The following CELF2 variants were observed in gnomAD, a reference collection of about 807,000 sequenced individuals.
CELF2 encodes CUG triplet repeat RNA-binding protein 2.
A neutral mutation model predicts 62.6 loss-of-function variants in CELF2; 8 were observed. The ratio of observed to expected loss-of-function variants is 0.13; its 90% confidence interval spans 0.07 to 0.23. The LOEUF (loss-of-function observed/expected upper bound fraction) is 0.23. CELF2 is among the 10% of genes least tolerant of loss of function. The pLI, the probability that CELF2 is intolerant of heterozygous loss-of-function variation, is 1.00. For missense variants in CELF2, 333 were observed against 671.0 expected (o/e 0.50, Z 5.56); for synonymous variants, 258 against 250.0 (o/e 1.03, Z -0.30).
At chr10:10,671,447 C>G in the CELF2 span, among the ~76,000 whole-genome samples, 5 of 152,146 alleles carry the variant, frequency 3.3e-5, no homozygotes, top group African/African-American at 1.2e-4. Flanking sequence ...TGAGTAAATT[C>G]CAAGGACTGT....
At chr10:11,118,582 G>A (rs1056109752) in intron 1 of CELF2, among the ~76,000 whole-genome samples, 8 of 152,166 alleles carry the variant, frequency 5.3e-5, no homozygotes, top group African/African-American at 1.4e-4. Flanking sequence ...CTGAGGCATG[G>A]TGACTTCAGA....
chr10:11,004,586 T>C (rs1592962108), upstream of CELF2, among the ~76,000 whole-genome samples: 1 of 152,130 alleles, frequency 6.6e-6, no homozygotes, highest in Admixed American at 6.5e-5. The surrounding 1 kb of genome is among the most constrained non-coding windows in gnomAD (Gnocchi z 5.0). Flanking sequence ...GAGCAACTCA[T>C]TGGTCTTTTG....
intron 1 of CELF2, among the ~76,000 whole-genome samples, chr10:11,124,775 T>C (rs1373546033): frequency 6.6e-6 from 1 of 152,256 alleles, no homozygotes; most frequent in African/African-American, 2.4e-5. Flanking sequence ...CCAAAGTTGC[T>C]GAAAAGATTG....
upstream of CELF2, among the ~76,000 whole-genome samples, chr10:11,001,679 T>G (rs1244832807): frequency 6.6e-6 from 1 of 152,222 alleles, no homozygotes; most frequent in Non-Finnish European, 1.5e-5. Flanking sequence ...CAAGTTTGCA[T>G]TATTAGCTAA....
At chr10:11,102,626 G>A (rs565222181) in intron 1 of CELF2, among the ~76,000 whole-genome samples, 7 of 152,158 alleles carry the variant, frequency 4.6e-5, no homozygotes, top group Non-Finnish European at 7.3e-5. Flanking sequence ...TTCAGACAGC[G>A]TCCTTGGAAC....
At chr10:10,535,992 TA>T in the CELF2 span, among the ~76,000 whole-genome samples, 3 of 150,278 alleles carry the variant, frequency 2.0e-5, no homozygotes, top group Non-Finnish European at 4.4e-5. Flanking sequence ...CCAGTGTTCA[TA>T]GGGGTGGGGG....
chr10:10,907,034 C>A (rs573843473), intron 1 of CELF2, among the ~76,000 whole-genome samples: 14 of 152,102 alleles, frequency 9.2e-5, no homozygotes, highest in African/African-American at 1.4e-4. Flanking sequence ...CATAAGAAAT[C>A]TTTTCCCAAA....
the CELF2 span, among the ~76,000 whole-genome samples, chr10:10,584,472 A>G: frequency 6.6e-6 from 1 of 152,230 alleles, no homozygotes; most frequent in African/African-American, 2.4e-5. Flanking sequence ...AGACTTAGCT[A>G]TTGTTACAGG....
chr10:10,790,031 C>T, the CELF2 span, among the ~76,000 whole-genome samples: 1 of 151,928 alleles, frequency 6.6e-6, no homozygotes. Flanking sequence ...TTATGTTTTT[C>T]TCTAATTTTC....
the CELF2 span, among the ~76,000 whole-genome samples, chr10:10,697,321 G>A: frequency 1.3e-5 from 2 of 152,168 alleles, no homozygotes; most frequent in South Asian, 2.1e-4. Flanking sequence ...CATTACCAAA[G>A]CAGCTCTTGA....
chr10:10,842,079 A>G (rs2058721267), intron 1 of CELF2, among the ~76,000 whole-genome samples: 1 of 152,022 alleles, frequency 6.6e-6, no homozygotes, highest in South Asian at 2.1e-4. Flanking sequence ...TTTCATTTCA[A>G]ATTGGAAGAC....
At chr10:10,807,799 G>A (rs1028917674) in intron 1 of CELF2, among the ~76,000 whole-genome samples, 1 of 152,030 alleles carries the variant, frequency 6.6e-6, no homozygotes, top group Non-Finnish European at 1.5e-5. Flanking sequence ...AATTAATTTT[G>A]TTCTGCTTGA....
At chr10:10,629,192 C>T in the CELF2 span, among the ~76,000 whole-genome samples, 1 of 152,172 alleles carries the variant, frequency 6.6e-6, no homozygotes, top group Non-Finnish European at 1.5e-5. Flanking sequence ...CATAATAAAA[C>T]ATCAGGTAAA....
At chr10:10,780,950 G>T in the CELF2 span, among the ~76,000 whole-genome samples, 1 of 152,304 alleles carries the variant, frequency 6.6e-6, no homozygotes, top group East Asian at 1.9e-4. Context: ...TTCACTTGGG[G>T]CTCAGCAGGT....
intron 1 of CELF2, among the ~76,000 whole-genome samples, chr10:10,911,085 C>A (rs1019753084): frequency 1.3e-5 from 2 of 152,208 alleles, no homozygotes; most frequent in African/African-American, 4.8e-5. Flanking sequence ...GACAGGCCTC[C>A]TCTTCTTGGG....
At chr10:10,807,433 A>G (rs1175911874) in intron 1 of CELF2, among the ~76,000 whole-genome samples, 1 of 152,232 alleles carries the variant, frequency 6.6e-6, no homozygotes, top group Non-Finnish European at 1.5e-5. Flanking sequence ...CAAATAGGGC[A>G]TTCCATTCAA....
At chr10:10,697,414 G>C in the CELF2 span, among the ~76,000 whole-genome samples, 3 of 152,218 alleles carry the variant, frequency 2.0e-5, no homozygotes, top group Admixed American at 6.5e-5. Flanking sequence ...CTTAAGGCCA[G>C]TGTGCAAATT....
intron 1 of CELF2, among the ~76,000 whole-genome samples, chr10:11,126,674 G>A (rs767073868): frequency 6.6e-6 from 1 of 152,112 alleles, no homozygotes; most frequent in Non-Finnish European, 1.5e-5. Context: ...CGAGAATATA[G>A]AATAAAACAG....
intron 1 of CELF2, among the ~76,000 whole-genome samples, chr10:10,827,256 T>C (rs764048513): frequency 1.3e-5 from 2 of 152,184 alleles, no homozygotes; most frequent in African/African-American, 2.4e-5. Flanking sequence ...CCCCAGAGTA[T>C]GCAGAAGGTA....
Sources: allele counts gnomAD v4.1 joint callset (sites outside exome capture counted in the v4.1 genomes callset), GRCh38; gene constraint gnomAD v4.1.1; non-coding constraint Gnocchi (gnomAD v3.1); transcripts MANE v1.5; gene names NCBI Gene and HGNC (gene_info 2026-07-23, HGNC 2026-07-21).